Variants in GREM1 observed in about 807,000 individuals in gnomAD.
The protein encoded by GREM1 is gremlin 1, DAN family BMP antagonist, also known as gremlin-1.
A neutral mutation model predicts 13.1 loss-of-function variants in GREM1; 6 were observed. That is an observed-to-expected ratio of 0.46 (90% CI 0.25 to 0.91). The LOEUF (loss-of-function observed/expected upper bound fraction) is 0.91, where lower values mean the gene tolerates loss of function less well. GREM1 is among the 40% of genes least tolerant of loss of function. GREM1 has a pLI of 0.18. For missense variants in GREM1, 185 were observed against 233.9 expected (o/e 0.79, Z 1.36); for synonymous variants, 98 against 93.7 (o/e 1.05, Z -0.27).
chr15:32,724,702 A>G (rs2055467777), intron 1 of GREM1, among the ~76,000 whole-genome samples: 3 of 151,666 alleles, frequency 2.0e-5, no homozygotes, highest in Admixed American at 1.3e-4. Context: ...GGTTTGTTAC[A>G]TAGGTATACA....
chr15:32,722,150 C>T (rs1211556367), intron 1 of GREM1, among the ~76,000 whole-genome samples: 1 of 152,142 alleles, frequency 6.6e-6, no homozygotes, highest in Admixed American at 6.5e-5. Flanking sequence ...AAAAGAAAGT[C>T]AACACAATTA....
chr15:32,727,724 T>C (rs950147562), intron 1 of GREM1, among the ~76,000 whole-genome samples: 4 of 152,188 alleles, frequency 2.6e-5, no homozygotes, highest in Non-Finnish European at 4.4e-5. Context: ...GATGACATGA[T>C]TGTATATTTA....
At position 32,739,772 on chromosome 15, in the gene GREM1, C is replaced by T. The variant is rs1461586458; in HGVS notation, c.*8527C>T. 1 of 152,266 alleles carries T rather than the reference C, an allele frequency of 6.6e-6. No individual in the cohort carries two copies. Among genetic ancestry groups the T allele is most frequent in the East Asian group, 1.9e-4 (1 of 5,198 alleles). The allele number at this position is 152,266 out of a possible 1,614,324, so 9.4% of individuals were successfully genotyped here. A position where few individuals can be genotyped will look rare whatever the true frequency, so the allele number is the denominator to read the frequency against. On this transcript the variant is annotated 3_prime_UTR_variant, in exon 2 of 2. Coordinates refer to ENST00000651154, the MANE Select transcript of GREM1 (RefSeq NM_013372.7). ...ATTTGAGATACCACCTTGTCCGAAT[C>T]CCTAACCCCAGCACAGTGCCATGTA...
At chr15:32,729,364 A>C (rs1275739358) in intron 1 of GREM1, among the ~76,000 whole-genome samples, 2 of 93,968 alleles carry the variant, frequency 2.1e-5, no homozygotes, top group African/African-American at 7.2e-5. Flanking sequence ...GCACTGTCCC[A>C]GGAGGAAAAT....
intron 1 of GREM1, chr15:32,718,545 C>T (rs1222084057): frequency 2.2e-6 from 1 of 445,668 alleles, no homozygotes; most frequent in African/African-American, 2.0e-5. Flanking sequence ...GCATCCGGAC[C>T]TGCTAGTCGG....
Position 32,737,547 on chromosome 15 carries a change from A to G in GREM1, c.*6302A>G, listed in dbSNP as rs2140763789. 6.6e-6 allele frequency: 1 copy of G among 152,302 alleles called. No individual in the cohort carries two copies. Among genetic ancestry groups the G allele is most frequent in the Non-Finnish European group, 1.5e-5 (1 of 68,030 alleles). 9.4% of individuals were successfully genotyped at this position (152,302 alleles called of 1,614,324 possible). On this transcript the variant is annotated 3_prime_UTR_variant, in exon 2 of 2. Transcript: ENST00000651154. ...ATACACGCAGAAAAATCATTTGGCA[A>G]AATTCAACACCCCTTTGTAATAAAA... is the stretch of plus-strand genomic sequence containing the variant.
At chr15:32,718,896 C>A (rs1025454714) in intron 1 of GREM1, 3 of 199,776 alleles carry the variant, frequency 1.5e-5, no homozygotes, top group Non-Finnish European at 3.1e-5. Context: ...CTTCTCTACT[C>A]CAGCCTCTTC....
At position 32,736,172 on chromosome 15, in the gene GREM1, C is replaced by T. The variant is rs927188193; in HGVS notation, c.*4927C>T. Reference sequence around the variant, plus strand: ...TGACCTGTTTGGCAGGCCCTGGAAGCTCCACTTGCAAGGCTATATTTGACC... The same window carrying T: ...TGACCTGTTTGGCAGGCCCTGGAAGTTCCACTTGCAAGGCTATATTTGACC... On this transcript the variant is annotated 3_prime_UTR_variant, in exon 2 of 2. Transcript: ENST00000651154. 2 of 152,180 alleles carry T rather than the reference C, an allele frequency of 1.3e-5. No homozygotes were observed. The highest frequency in any genetic ancestry group is 4.8e-5 in the African/African-American group (2 of 41,434). 9.4% of individuals were successfully genotyped at this position (152,180 alleles called of 1,614,324 possible). A position where few individuals can be genotyped will look rare whatever the true frequency, so the allele number is the denominator to read the frequency against.
rs1377365241 is a variant in GREM1 at position 32,733,453 on chromosome 15, ATCT to A, written c.*2213_*2215del. 7 of 230,996 alleles carry A rather than the reference ATCT, an allele frequency of 3.0e-5. No individual in the cohort carries two copies. Among genetic ancestry groups the A allele is most frequent in the African/African-American group, 9.0e-5 (4 of 44,446 alleles). The allele number at this position is 230,996 out of a possible 1,614,324, so 14.3% of individuals were successfully genotyped here. A position where few individuals can be genotyped will look rare whatever the true frequency, so the allele number is the denominator to read the frequency against. On this transcript the variant is annotated 3_prime_UTR_variant, in exon 2 of 2. Coordinates refer to ENST00000651154, the MANE Select transcript of GREM1 (RefSeq NM_013372.7). ...GAGATGACTTAAGTTGGCAGCAGTA[ATCT>A]TCTTTTAGGAGCTTGTACCACAGTC... is the stretch of plus-strand genomic sequence containing the variant.
intron 1 of GREM1, among the ~76,000 whole-genome samples, chr15:32,722,173 T>C (rs139565928): frequency 1.3e-5 from 2 of 152,336 alleles, no homozygotes; most frequent in Admixed American, 1.3e-4. Flanking sequence ...TTCTTAAAAG[T>C]TAAAGATCAA....
chr15:32,718,828 G>A, intron 1 of GREM1: 1 of 285,460 alleles, frequency 3.5e-6, no homozygotes, highest in South Asian at 3.4e-5. Context: ...AACCCGCAGT[G>A]CTCACAAGGC....
Position 32,736,241 on chromosome 15 carries a change from A to G in GREM1, c.*4996A>G, listed in dbSNP as rs755522625. On this transcript the variant is annotated 3_prime_UTR_variant, in exon 2 of 2. Transcript: ENST00000651154. ...GGTAAAAAACTTTGTCAAAACAACT[A>G]GAGGCAATTGATTCTCTTTGTGGCT... is the stretch of plus-strand genomic sequence containing the variant. 7 of 152,212 alleles carry G rather than the reference A, an allele frequency of 4.6e-5. No homozygotes were observed. Among genetic ancestry groups the G allele is most frequent in the Admixed American group, 6.5e-5 (1 of 15,286 alleles). The allele number at this position is 152,212 out of a possible 1,614,324, so 9.4% of individuals were successfully genotyped here. A position where few individuals can be genotyped will look rare whatever the true frequency, so the allele number is the denominator to read the frequency against.
In GREM1 at chr15:32,740,876, G is replaced by T. The variant is rs536960300; in HGVS notation, c.*9631G>T. On this transcript the variant is annotated 3_prime_UTR_variant, in exon 2 of 2. Transcript: ENST00000651154. ...CTTATGGACTTAGCTTGAGTTTCAA[G>T]TTCATTTCTAAAATCAATCATGGTG... The T allele has an allele frequency of 6.6e-5, 10 of 152,232 alleles. No homozygotes were observed. In the East Asian group the frequency reaches 1.7e-3, roughly 26 times the overall value. 9.4% of individuals were successfully genotyped at this position (152,232 alleles called of 1,614,324 possible).
In GREM1 at chr15:32,742,471, T is replaced by A; in HGVS notation, c.*11226T>A. ...TTACCCAAAGTGATCTATAGATTCA[T>A]GCAATCCCCATCAAAAATCCCAGTG... On this transcript the variant is annotated 3_prime_UTR_variant, in exon 2 of 2. Transcript: ENST00000651154. The A allele has an allele frequency of 6.6e-6, 1 of 152,170 alleles. No individual in the cohort carries two copies. The highest frequency in any genetic ancestry group is 1.9e-4 in the East Asian group (1 of 5,200). The allele number at this position is 152,170 out of a possible 1,614,324, so 9.4% of individuals were successfully genotyped here.
rs2055709618 is a variant in GREM1 at position 32,737,489 on chromosome 15, T to C, written c.*6244T>C. The C allele has an allele frequency of 6.6e-6, 1 of 152,126 alleles. No homozygotes were observed. The highest frequency in any genetic ancestry group is 1.5e-5 in the Non-Finnish European group (1 of 68,022). The allele number at this position is 152,126 out of a possible 1,614,324, so 9.4% of individuals were successfully genotyped here. On this transcript the variant is annotated 3_prime_UTR_variant, in exon 2 of 2. Coordinates refer to ENST00000651154, the MANE Select transcript of GREM1 (RefSeq NM_013372.7). The stretch of plus-strand genomic sequence containing the variant: ...CCATCAGTGTAATGCATCATATTAA[T>C]AGAATAAAGACAGAAACCACACAAT...
intron 1 of GREM1, among the ~76,000 whole-genome samples, chr15:32,729,563 G>C (rs904896052): frequency 6.6e-6 from 1 of 151,706 alleles, no homozygotes. Context: ...TTCTCTCTCT[G>C]TCTATGGTTT....
In GREM1 at chr15:32,730,711, G is replaced by T; in HGVS notation, c.21G>T (p.Thr7=). 6.4e-7 allele frequency: 1 copy of T among 1,570,638 alleles called. No homozygotes were observed. The highest frequency in any genetic ancestry group is 1.4e-5 in the African/African-American group (1 of 73,470). The change falls in exon 2 of 2, where the codon ACG becomes ACT. Residue 7 remains threonine (T), a synonymous_variant. Transcript: ENST00000651154. ...TTAGTATGAGCCGCACAGCCTACACGGTGGGAGCCCTGCTTCTCCTCTTGG... is the reference window on the plus strand; with the variant it reads ...TTAGTATGAGCCGCACAGCCTACACTGTGGGAGCCCTGCTTCTCCTCTTGG... MSRTAY[T]VGALLLLLGT...
In GREM1 at chr15:32,730,815, A is replaced by G. The variant is rs945879966; in HGVS notation, c.125A>G (p.Asn42Ser). ...AIPPPDKAQHNDSEQTQSPQQ... is the reference protein window; with the variant it reads ...AIPPPDKAQHSDSEQTQSPQQ... ...CCCCCGCCAGACAAGGCCCAGCACAATGACTCAGAGCAGACTCAGTCGCCC... is the reference window on the plus strand; with the variant it reads ...CCCCCGCCAGACAAGGCCCAGCACAGTGACTCAGAGCAGACTCAGTCGCCC... Residue 42 changes from asparagine (N) to serine (S), a missense_variant, in exon 2 of 2, where the codon AAT (asparagine) becomes AGT (serine). Transcript: ENST00000651154. The G allele has an allele frequency of 5.6e-6, 9 of 1,613,828 alleles. No individual in the cohort carries two copies. In the African/African-American group the frequency reaches 8.0e-5, roughly 14 times the overall value.
At position 32,742,212 on chromosome 15, in the gene GREM1, T is replaced by C. The variant is rs1225132524; in HGVS notation, c.*10967T>C. On this transcript the variant is annotated 3_prime_UTR_variant, in exon 2 of 2. Coordinates refer to ENST00000651154, the MANE Select transcript of GREM1 (RefSeq NM_013372.7). Reference sequence around the variant, plus strand: ...ATAAAATAAGTTAGAAAGTGTTCTCTCTTCTTTGATTTTTTTGGAAGAGTT... The same window carrying C: ...ATAAAATAAGTTAGAAAGTGTTCTCCCTTCTTTGATTTTTTTGGAAGAGTT... 2 of 152,176 alleles carry C rather than the reference T, an allele frequency of 1.3e-5. No individual in the cohort carries two copies. The highest frequency in any genetic ancestry group is 4.8e-5 in the African/African-American group (2 of 41,462). The allele number at this position is 152,176 out of a possible 1,614,324, so 9.4% of individuals were successfully genotyped here.
Sources: allele counts gnomAD v4.1 joint callset (sites outside exome capture counted in the v4.1 genomes callset), GRCh38; gene constraint gnomAD v4.1.1; transcripts MANE v1.5; gene names NCBI Gene and HGNC (gene_info 2026-07-23, HGNC 2026-07-21).